SPA17: variants seen among roughly 807,000 people sequenced by gnomAD.
SPA17 encodes the protein sperm surface protein Sp17.
In SPA17, 7 loss-of-function variants were observed where a neutral mutation model predicts 13.8. That is an observed-to-expected ratio of 0.51 (90% CI 0.29 to 0.95). SPA17 has a LOEUF of 0.95. Among genes scored for constraint, SPA17 ranks in the 40% least tolerant of loss-of-function variants. SPA17 has a pLI of 0.08. For missense variants in SPA17, 170 were observed against 179.3 expected (o/e 0.95, Z 0.30); for synonymous variants, 61 against 59.0 (o/e 1.03, Z -0.16).
chr11:124,694,212 C>T, intron 4 of SPA17, 91 bp from the exon 5 acceptor site: 1 of 1,507,878 alleles, frequency 6.6e-7, no homozygotes, highest in Non-Finnish European at 9.0e-7. Flanking sequence ...AGTTGCATCC[C>T]TAAAATGATT....
chr11:124,675,080 A>G, intron 1 of SPA17, 158 bp from the exon 2 acceptor site: 2 of 651,024 alleles, frequency 3.1e-6, no homozygotes, highest in Non-Finnish European at 4.9e-6. Flanking sequence ...TGGAGATTTC[A>G]AAACTCTTTG....
intron 3 of SPA17, among the ~76,000 whole-genome samples, chr11:124,682,473 A>G (rs537921527): frequency 6.6e-6 from 1 of 152,310 alleles, no homozygotes; most frequent in African/African-American, 2.4e-5. Flanking sequence ...GAAATCTGAA[A>G]ACCAATACAA....
intron 3 of SPA17, among the ~76,000 whole-genome samples, chr11:124,685,575 C>T (rs1442392129): frequency 6.6e-6 from 1 of 152,126 alleles, no homozygotes; most frequent in African/African-American, 2.4e-5. Context: ...TCCTCCAGAC[C>T]CTAGAGTGGT....
chr11:124,680,602 G>C (rs2134410277), intron 2 of SPA17, among the ~76,000 whole-genome samples: 1 of 152,276 alleles, frequency 6.6e-6, no homozygotes, highest in African/African-American at 2.4e-5. Flanking sequence ...ATAGTTGACT[G>C]AATAGTTGAG....
intron 3 of SPA17, among the ~76,000 whole-genome samples, chr11:124,682,649 A>T (rs1180975056): frequency 6.6e-6 from 1 of 152,176 alleles, no homozygotes; most frequent in African/African-American, 2.4e-5. Flanking sequence ...GTGGAACAAA[A>T]AAATTTTAGA....
chr11:124,683,872 C>A (rs568115072), intron 3 of SPA17, among the ~76,000 whole-genome samples: 1 of 152,050 alleles, frequency 6.6e-6, no homozygotes, highest in Non-Finnish European at 1.5e-5. Context: ...GACTGCAATA[C>A]AATAATAGTG....
At chr11:124,686,356 C>T (rs571029662) in intron 3 of SPA17, among the ~76,000 whole-genome samples, 2 of 152,264 alleles carry the variant, frequency 1.3e-5, no homozygotes, top group Middle Eastern at 6.8e-3. Flanking sequence ...TTATAAATTA[C>T]CCAGTCTCAG....
chr11:124,690,775 C>T (rs1360667999), intron 3 of SPA17, among the ~76,000 whole-genome samples: 1 of 152,196 alleles, frequency 6.6e-6, no homozygotes, highest in Non-Finnish European at 1.5e-5. Flanking sequence ...CCACAAAGCA[C>T]AGCAGATATT....
At position 124,679,685 on chromosome 11, in the gene SPA17, G is replaced by C. The variant is rs552867686; in HGVS notation, c.155-1704G>C. 3.3e-5 allele frequency among the ~76,000 whole-genome samples: 5 copies of C among 152,208 alleles called. No homozygotes were observed. The South Asian group carries it at 6.2e-4, about 19-fold the overall frequency. ...CTAAATACCATTCCCAGGAATGAGG[G>C]CTTCTTGGAAAACAAGCTAATTTCA... is the stretch of plus-strand genomic sequence containing the variant. On this transcript the variant is annotated intron_variant, in intron 2 of 4. Transcript: ENST00000227135.
In SPA17 at chr11:124,697,147, T is replaced by C. The variant is rs1486191904; in HGVS notation, c.*2701T>C. 2.6e-5 allele frequency: 4 copies of C among 152,262 alleles called. No individual in the cohort carries two copies. Among genetic ancestry groups the C allele is most frequent in the Non-Finnish European group, 5.9e-5 (4 of 68,062 alleles). 9.4% of individuals were successfully genotyped at this position (152,262 alleles called of 1,614,324 possible). On this transcript the variant is annotated 3_prime_UTR_variant, in exon 5 of 5. Coordinates refer to ENST00000227135, the MANE Select transcript of SPA17 (RefSeq NM_017425.4). ...GGTCCTAGTTCCCATGATAGCCTTG[T>C]GAATTATTGCAATAACCTATATTGG...
chr11:124,690,173 G>T (rs1038266414), intron 3 of SPA17, among the ~76,000 whole-genome samples: 1 of 152,176 alleles, frequency 6.6e-6, no homozygotes, highest in African/African-American at 2.4e-5. Context: ...TATGTTGTTT[G>T]CAGCACCATT....
chr11:124,675,153 C>G, intron 1 of SPA17, 85 bp from the exon 2 acceptor site: 1 of 1,344,478 alleles, frequency 7.4e-7, no homozygotes, highest in Non-Finnish European at 1.0e-6. Flanking sequence ...ATGTATGAGT[C>G]TCAGAAATAA....
chr11:124,693,438 C>T (rs1345831959), intron 4 of SPA17, among the ~76,000 whole-genome samples: 2 of 151,706 alleles, frequency 1.3e-5, no homozygotes, highest in South Asian at 2.1e-4. Flanking sequence ...GAAAAAGTAG[C>T]TGCAGAACTC....
At position 124,696,797 on chromosome 11, in the gene SPA17, T is replaced by C. The variant is rs1371439302; in HGVS notation, c.*2351T>C. On this transcript the variant is annotated 3_prime_UTR_variant, in exon 5 of 5. Coordinates refer to ENST00000227135, the MANE Select transcript of SPA17 (RefSeq NM_017425.4). ...TTCTTAATGATCACTCCCAGACCTT[T>C]CTCTCCTCTGCCTGCGAACTTCTAT... 2.0e-5 allele frequency: 3 copies of C among 152,164 alleles called. No individual in the cohort carries two copies. The highest frequency in any genetic ancestry group is 4.4e-5 in the Non-Finnish European group (3 of 68,054). The allele number at this position is 152,164 out of a possible 1,614,324, so 9.4% of individuals were successfully genotyped here.
intron 1 of SPA17, chr11:124,674,895 T>A (rs2044415941): frequency 1.9e-5 from 3 of 157,284 alleles, no homozygotes; most frequent in Admixed American, 6.5e-5. Context: ...TGAATTTAAC[T>A]TTTTAGCAAT....
At chr11:124,678,517 TG>T (rs1943495971) in intron 2 of SPA17, among the ~76,000 whole-genome samples, 1 of 89,972 alleles carries the variant, frequency 1.1e-5, no homozygotes, top group African/African-American at 9.5e-5. Flanking sequence ...AATACATAAC[TG>T]TGTGTGTGTG....
intron 3 of SPA17, among the ~76,000 whole-genome samples, chr11:124,683,522 T>C (rs991616301): frequency 2.7e-5 from 4 of 149,836 alleles, no homozygotes; most frequent in Non-Finnish European, 3.0e-5. Context: ...ATAGACTGGC[T>C]GAATGGATTT....
At position 124,694,412 on chromosome 11, in the gene SPA17, GT is replaced by G. The variant is rs1943653876; in HGVS notation, c.423del (p.Leu142PhefsTer23). The G allele has an allele frequency of 6.2e-7, 1 of 1,613,266 alleles. No individual in the cohort carries two copies. The highest frequency in any genetic ancestry group is 1.6e-4 in the Middle Eastern group (1 of 6,062). ...REEAKKMKTN[S>X]LQNEEKEENK ...GAGGCAAAGAAAATGAAAACAAATA[GT>G]CTTCAAAATGAGGAAAAAGAGGAAA... On this transcript the variant is annotated frameshift_variant, in exon 5 of 5. Coordinates refer to ENST00000227135, the MANE Select transcript of SPA17 (RefSeq NM_017425.4). LOFTEE classifies it low-confidence loss of function (END_TRUNC).
chr11:124,683,287 A>G (rs999418051), intron 3 of SPA17, among the ~76,000 whole-genome samples: 4 of 152,174 alleles, frequency 2.6e-5, no homozygotes, highest in Non-Finnish European at 5.9e-5. Flanking sequence ...AAAACACAGG[A>G]AAGTATAAAA....
Sources: gnomAD v4.1 joint callset for allele counts (sites outside exome capture counted in the v4.1 genomes callset) on GRCh38, gnomAD v4.1.1 for gene constraint, MANE v1.5 for transcripts, NCBI Gene and HGNC (gene_info 2026-07-23, HGNC 2026-07-21) for gene names.